The following SCARA3 variants were observed in gnomAD, a reference collection of about 807,000 sequenced individuals.
SCARA3 encodes the protein cellular stress response gene protein.
SCARA3 carries 39 observed loss-of-function variants against 47.0 expected under a neutral mutation model. The ratio of observed to expected loss-of-function variants is 0.83; its 90% CI spans 0.64 to 1.08. The LOEUF is 1.08. SCARA3 is among the 50% of genes least tolerant of loss of function. The pLI is 0.00. For missense variants in SCARA3, 724 were observed against 792.3 expected, an observed-to-expected ratio of 0.91 and a Z score of 1.04; for synonymous variants, 356 against 334.1, an observed-to-expected ratio of 1.07 and a Z score of -0.71.
In SCARA3 at chr8:27,672,168, G is replaced by A; in HGVS notation, c.*817G>A. 1.0e-6 allele frequency: 1 copy of A among 985,464 alleles called. No homozygotes were observed. 61.0% of individuals were successfully genotyped at this position (985,464 alleles called of 1,614,324 possible). A position where few individuals can be genotyped will look rare whatever the true frequency, so the allele number is the denominator to read the frequency against. On this transcript the variant is annotated 3_prime_UTR_variant, in exon 6 of 6. Transcript: ENST00000301904. ...TGTCACAGCACAGTGGGGCCACGAG[G>A]CTGACATTCTCTGGCCTTGCACACA...
intron 3 of SCARA3, among the ~76,000 whole-genome samples, chr8:27,654,742 A>G (rs1415488183): frequency 6.6e-6 from 1 of 151,366 alleles, no homozygotes; most frequent in Non-Finnish European, 1.5e-5. Context: ...GTGAACCATG[A>G]TCACACTGCT....
the SCARA3 span, among the ~76,000 whole-genome samples, chr8:27,699,177 G>A: frequency 6.6e-6 from 1 of 151,604 alleles, no homozygotes; most frequent in African/African-American, 2.4e-5. Context: ...CCAGGAGGCG[G>A]AGCTTGCAGT....
At chr8:27,643,810 C>A (rs1183533256) in intron 1 of SCARA3, among the ~76,000 whole-genome samples, 1 of 152,192 alleles carries the variant, frequency 6.6e-6, no homozygotes, top group African/African-American at 2.4e-5. Context: ...TCGAATCTCT[C>A]CCCCTTGTTG....
intron 3 of SCARA3, 73 bp downstream of exon 3, chr8:27,651,700 T>C (rs1801637714): frequency 1.3e-6 from 2 of 1,578,548 alleles, no homozygotes; most frequent in Non-Finnish European, 1.7e-6. Context: ...AAAGTTCCCC[T>C]GCAAAGACAA....
At chr8:27,668,997 C>T (rs34683409) in intron 5 of SCARA3, among the ~76,000 whole-genome samples, 15,029 of 152,114 alleles carry the variant, frequency 0.099, 890 homozygotes, top group East Asian at 0.26. Context: ...CTTGTCCCAG[C>T]GAGTCTTCTC....
intron 1 of SCARA3, among the ~76,000 whole-genome samples, chr8:27,647,744 A>G (rs998043265): frequency 6.6e-6 from 1 of 152,192 alleles, no homozygotes; most frequent in African/African-American, 2.4e-5. Flanking sequence ...CTGCTGGGGA[A>G]GTGACGTTTA....
chr8:27,668,839 AAAAG>A (rs1802079292), intron 5 of SCARA3, among the ~76,000 whole-genome samples: 1 of 152,222 alleles, frequency 6.6e-6, no homozygotes, highest in Admixed American at 6.5e-5. Context: ...CTGTCTCGGA[AAAAG>A]AAAGAAATCC....
chr8:27,669,161 C>T (rs1294325308), intron 5 of SCARA3, among the ~76,000 whole-genome samples: 2 of 152,098 alleles, frequency 1.3e-5, no homozygotes, highest in Non-Finnish European at 2.9e-5. Context: ...AGGCGAATGC[C>T]CACCCAGACA....
the SCARA3 span, among the ~76,000 whole-genome samples, chr8:27,711,372 C>T: frequency 1.3e-5 from 2 of 152,188 alleles, no homozygotes; most frequent in African/African-American, 2.4e-5. Flanking sequence ...CAATCCATTG[C>T]ACTTATTTTT....
the SCARA3 span, among the ~76,000 whole-genome samples, chr8:27,688,623 G>A: frequency 6.6e-6 from 1 of 152,178 alleles, no homozygotes; most frequent in Admixed American, 6.5e-5. Flanking sequence ...TTGAGCCTGG[G>A]AGGTAGAAGT....
chr8:27,655,684 A>G (rs1172550927), intron 3 of SCARA3, among the ~76,000 whole-genome samples: 1 of 152,236 alleles, frequency 6.6e-6, no homozygotes, highest in African/African-American at 2.4e-5. Flanking sequence ...AGAATTAAGC[A>G]TTACTTATAT....
the SCARA3 span, among the ~76,000 whole-genome samples, chr8:27,685,814 C>T: frequency 7.2e-5 from 11 of 152,276 alleles, no homozygotes; most frequent in South Asian, 8.3e-4. Context: ...AGTTTAGAGG[C>T]AAGAGCTCCA....
At chr8:27,704,911 T>C in the SCARA3 span, among the ~76,000 whole-genome samples, 2 of 152,152 alleles carry the variant, frequency 1.3e-5, no homozygotes, top group Non-Finnish European at 2.9e-5. Context: ...TGCAGGGTAA[T>C]CCAACCATCC....
At chr8:27,651,119 A>C (rs2128918468) in intron 2 of SCARA3, among the ~76,000 whole-genome samples, 1 of 152,254 alleles carries the variant, frequency 6.6e-6, no homozygotes, top group South Asian at 2.1e-4. Context: ...CAGTGCTAAA[A>C]CCCAGAAGAT....
At chr8:27,647,898 C>T (rs1302894555) in intron 1 of SCARA3, among the ~76,000 whole-genome samples, 1 of 152,234 alleles carries the variant, frequency 6.6e-6, no homozygotes, top group Non-Finnish European at 1.5e-5. Flanking sequence ...TGCATCTCAG[C>T]TCCTATGTTG....
At chr8:27,655,901 T>C (rs1383452271) in intron 3 of SCARA3, among the ~76,000 whole-genome samples, 2 of 152,210 alleles carry the variant, frequency 1.3e-5, no homozygotes, top group African/African-American at 4.8e-5. Flanking sequence ...ACAGATGAGA[T>C]GTTCAGAACA....
chr8:27,646,973 C>T (rs1027752445), intron 1 of SCARA3, among the ~76,000 whole-genome samples: 4 of 17,440 alleles, frequency 2.3e-4, no homozygotes, highest in Non-Finnish European at 6.0e-4. Context: ...ACCGCCCCCG[C>T]CCCCCCCCCG....
chr8:27,699,169 A>G, the SCARA3 span, among the ~76,000 whole-genome samples: 3 of 151,716 alleles, frequency 2.0e-5, no homozygotes, highest in Non-Finnish European at 4.4e-5. Flanking sequence ...GTGGGAACCC[A>G]GGAGGCGGAG....
intron 1 of SCARA3, among the ~76,000 whole-genome samples, chr8:27,643,694 C>T (rs1490182895): frequency 6.6e-6 from 1 of 152,170 alleles, no homozygotes; most frequent in Non-Finnish European, 1.5e-5. Context: ...TTTATTTTTA[C>T]CGATCCAATT....
Sources: allele counts gnomAD v4.1 joint callset (sites outside exome capture counted in the v4.1 genomes callset), GRCh38; gene constraint gnomAD v4.1.1; transcripts MANE v1.5; gene names NCBI Gene and HGNC (gene_info 2026-07-23, HGNC 2026-07-21).